The following YY1AP1 variants were observed in gnomAD, a reference collection of about 807,000 sequenced individuals.
The protein encoded by YY1AP1 is YY1 associated protein 1, also known as YY1-associated protein 1.
Under a neutral mutation model 39.9 loss-of-function variants are expected in YY1AP1, and 43 were observed. The ratio of observed to expected loss-of-function variants is 1.08; its 90% CI spans 0.84 to 1.39. The LOEUF (loss-of-function observed/expected upper bound fraction) is 1.39, where lower values mean the gene tolerates loss of function less well. Ranked by LOEUF, YY1AP1 falls within the 40% of genes most tolerant of loss-of-function variation. The probability of loss-of-function intolerance (pLI) is 0.00; values close to 1 mark genes in which losing one functional copy is unlikely to be tolerated. For synonymous variants in YY1AP1, 292 were observed against 331.3 expected (o/e 0.88, Z 1.29); for missense variants, 813 against 900.7 (o/e 0.90, Z 1.25).
intron 5 of YY1AP1, among the ~76,000 whole-genome samples, chr1:155,675,684 C>A (rs1571346186): frequency 6.6e-6 from 1 of 151,746 alleles, no homozygotes; most frequent in East Asian, 1.9e-4. Flanking sequence ...TTTTGAACTC[C>A]CCTGCTCAAG....
At position 155,670,421 on chromosome 1, in the gene YY1AP1, C is replaced by A. The variant is rs1363049006; in HGVS notation, c.627G>T (p.Leu209=). ...GATACATGAAAACCTTGCTTGTGGC[C>A]AGGATCCAAGCCACTTGCTTTGGCA... The part of the protein sequence containing the change: ...PCLPKQVAWI[L]ATSKVFMYPE... The change falls in exon 8 of 11, where the codon CTG becomes CTT. Residue 209 remains leucine, a synonymous_variant. Transcript: ENST00000355499. 1.2e-6 allele frequency: 2 copies of A among 1,614,120 alleles called. No individual in the cohort carries two copies. The highest frequency in any genetic ancestry group is 1.7e-6 in the Non-Finnish European group (2 of 1,180,048).
Position 155,676,602 on chromosome 1 carries a change from C to G in YY1AP1, c.270G>C (p.Gln90His). 2 of 1,614,184 alleles carry G rather than the reference C, an allele frequency of 1.2e-6. No homozygotes were observed. The highest frequency in any genetic ancestry group is 1.1e-5 in the South Asian group (1 of 91,084). ...KVKPQCKEVHQTLILDPAQRK... is the reference protein window; with the variant it reads ...KVKPQCKEVHHTLILDPAQRK... ...TTTGTGCTGGGTCCAGAATCAGGGT[C>G]TGATGAACTTCCTTACACTGGGGTT... Residue 90 changes from glutamine to histidine, a missense_variant, in exon 5 of 11, where the codon CAG becomes CAC. This residue lies in a region of YY1AP1 where 196 missense variants were observed against 189.7 expected (regional missense o/e 1.03). Transcript: ENST00000355499.
chr1:155,670,494 A>G lies in YY1AP1; in HGVS notation c.584-30T>C, dbSNP rs561128356. On this transcript the variant is annotated intron_variant, in intron 7 of 10. Transcript: ENST00000355499. ...AAGAAAATAAATCTCTGATAAATCA[A>G]CTTCTAGGAAAAAAGAGGGCTTCAA... 8 of 1,612,522 alleles carry G rather than the reference A, an allele frequency of 5.0e-6. No individual in the cohort carries two copies. The South Asian group carries it at 7.7e-5, about 16-fold the overall frequency.
In YY1AP1 at chr1:155,660,605, T is replaced by G; in HGVS notation, c.1305A>C (p.Gln435His). 1 of 1,614,136 alleles carries G rather than the reference T, an allele frequency of 6.2e-7. No individual in the cohort carries two copies. Among genetic ancestry groups the G allele is most frequent in the Non-Finnish European group, 8.5e-7 (1 of 1,180,016 alleles). Residue 435 changes from glutamine (Q) to histidine (H), a missense_variant, in exon 11 of 11, where the codon CAA becomes CAC. By Grantham distance (24) the Gln-to-His change is conservative. Transcript: ENST00000355499. ...PSFNPGKTPA[Q>H]STHSEAPPSK... ...TCGGAGGGGCTTCTGAATGAGTTGA[T>G]TGGGCTGGTGTTTTCCCAGGGTTGA...
rs1342572230 is a variant in YY1AP1, at chr1:155,688,655, G to T, written c.-152+4C>A. On this transcript the variant is annotated splice_donor_region_variant and intron_variant, in intron 1 of 10. Coordinates refer to ENST00000355499, the MANE Select transcript of YY1AP1 (RefSeq NM_139119.3). ...CCGGCTCCAGCGCAGGCCCTCACGC[G>T]TACCTTCAGCGGCGCGAGCCCAAGC... 4 of 1,533,594 alleles carry T rather than the reference G, an allele frequency of 2.6e-6. No homozygotes were observed. The highest frequency in any genetic ancestry group is 3.5e-6 in the Non-Finnish European group (4 of 1,146,346). The allele number at this position is 1,533,594 out of a possible 1,614,324, so 95.0% of individuals were successfully genotyped here.
At position 155,659,617 on chromosome 1, in the gene YY1AP1, A is replaced by C; in HGVS notation, c.*40T>G. 1 of 1,609,974 alleles carries C rather than the reference A, an allele frequency of 6.2e-7. No homozygotes were observed. The highest frequency in any genetic ancestry group is 2.2e-5 in the East Asian group (1 of 44,852). ...CCTATGCGCCACCAATCGGAGGCCG[A>C]AGTGAAGGCTCCCAGTCTCCAGACT... is the stretch of plus-strand genomic sequence containing the variant. On this transcript the variant is annotated 3_prime_UTR_variant, in exon 11 of 11. Coordinates refer to ENST00000355499, the MANE Select transcript of YY1AP1 (RefSeq NM_139119.3).
chr1:155,683,058 C>T (rs1651741840), intron 2 of YY1AP1, among the ~76,000 whole-genome samples: 2 of 151,580 alleles, frequency 1.3e-5, no homozygotes, highest in Admixed American at 6.6e-5. Flanking sequence ...TGCACTCCAG[C>T]CTGGGCGACA....
intron 9 of YY1AP1, among the ~76,000 whole-genome samples, chr1:155,667,363 C>A (rs948617297): frequency 2.0e-5 from 3 of 151,894 alleles, no homozygotes; most frequent in African/African-American, 7.3e-5. Context: ...AATCGGCTAG[C>A]CTTGGTGGCA....
At chr1:155,687,478 T>G (rs1164962544) in intron 2 of YY1AP1, among the ~76,000 whole-genome samples, 1 of 136,376 alleles carries the variant, frequency 7.3e-6, no homozygotes, top group Non-Finnish European at 1.5e-5. Flanking sequence ...CTTACACAAA[T>G]AAAGGCAAAC....
chr1:155,675,171 T>TC lies in YY1AP1; in HGVS notation c.325-76dup, dbSNP rs1355913948. 20 of 1,409,548 alleles carry TC rather than the reference T, an allele frequency of 1.4e-5. No individual in the cohort carries two copies. In the Admixed American group the frequency reaches 2.6e-4, roughly 18 times the overall value. The allele number at this position is 1,409,548 out of a possible 1,614,324, so 87.3% of individuals were successfully genotyped here. On this transcript the variant is annotated intron_variant, in intron 5 of 10. Coordinates refer to ENST00000355499, the MANE Select transcript of YY1AP1 (RefSeq NM_139119.3). ...TCAGGAGCCCAGAGATATTTTTTTT[T>TC]CCCCCTGGAGACAGGGTCTTGCTCT...
At chr1:155,687,341 T>TG (rs1177753178) in intron 2 of YY1AP1, among the ~76,000 whole-genome samples, 8 of 143,842 alleles carry the variant, frequency 5.6e-5, no homozygotes, top group Non-Finnish European at 1.2e-4. Context: ...ACACTACCAT[T>TG]GCCGCTCTTT....
chr1:155,668,706 A>G lies in YY1AP1; in HGVS notation c.800T>C (p.Leu267Pro). The G allele has an allele frequency of 1.2e-6, 2 of 1,614,220 alleles. No individual in the cohort carries two copies. The highest frequency in any genetic ancestry group is 2.2e-5 in the East Asian group (1 of 44,888). The part of the protein sequence containing the change: ...FLNPLISKYL[L>P]TCKTARQLTV... Reference sequence around the variant, plus strand: ...CAGTTGGCGGGCAGTCTTGCAGGTTAGAAGGTACTTGCTGATTAGAGGGTT... The same window carrying G: ...CAGTTGGCGGGCAGTCTTGCAGGTTGGAAGGTACTTGCTGATTAGAGGGTT... The change falls in exon 9 of 11, where the codon CTA becomes CCA. Residue 267 changes from leucine to proline, a missense_variant. This residue lies in a region of YY1AP1 where 586 missense variants were observed against 647.4 expected (regional missense o/e 0.91). Coordinates refer to ENST00000355499, the MANE Select transcript of YY1AP1 (RefSeq NM_139119.3).
At chr1:155,661,623 TTAAAC>T (rs1337032289) in intron 9 of YY1AP1, among the ~76,000 whole-genome samples, 200 bp from the exon 10 acceptor site, 3 of 152,018 alleles carry the variant, frequency 2.0e-5, no homozygotes, top group Non-Finnish European at 2.9e-5. Flanking sequence ...ACATTTCAAA[TTAAAC>T]TAATCTCTAT....
intron 4 of YY1AP1, chr1:155,679,048 A>C: frequency 9.4e-7 from 1 of 1,067,734 alleles, no homozygotes; most frequent in South Asian, 1.7e-5. Flanking sequence ...CATTTAGCAG[A>C]TATTAATGGC....
chr1:155,677,795 G>T (rs1034566062), intron 4 of YY1AP1, among the ~76,000 whole-genome samples: 1 of 152,128 alleles, frequency 6.6e-6, no homozygotes, highest in Non-Finnish European at 1.5e-5. Context: ...AAGAGAAGAA[G>T]CATAAAAAAG....
intron 6 of YY1AP1, among the ~76,000 whole-genome samples, chr1:155,673,156 T>C (rs1215896874): frequency 1.6e-4 from 24 of 151,822 alleles, no homozygotes; most frequent in Admixed American, 6.6e-5. Flanking sequence ...GCTGGGACTA[T>C]AGGCATACAC....
In YY1AP1 at chr1:155,688,714, TC is replaced by T. The variant is rs1244480986; in HGVS notation, c.-208del. On this transcript the variant is annotated 5_prime_UTR_variant, in exon 1 of 11. Transcript: ENST00000355499. ...CCTCCTCTTCTCTCCTCCCCCTCCC[TC>T]CCCGCCCGCACGGCCACCAACCGCC... 7.6e-7 allele frequency: 1 copy of T among 1,322,688 alleles called. No homozygotes were observed. Among genetic ancestry groups the T allele is most frequent in the East Asian group, 3.0e-5 (1 of 33,460 alleles). The allele number at this position is 1,322,688 out of a possible 1,614,324, so 81.9% of individuals were successfully genotyped here.
At chr1:155,673,127 T>G (rs1415171421) in intron 6 of YY1AP1, among the ~76,000 whole-genome samples, 1 of 152,104 alleles carries the variant, frequency 6.6e-6, no homozygotes, top group Non-Finnish European at 1.5e-5. Flanking sequence ...CAAGCCATCC[T>G]CCCACTGCCT....
intron 4 of YY1AP1, among the ~76,000 whole-genome samples, chr1:155,678,007 C>G (rs1650967044): frequency 6.6e-6 from 1 of 152,168 alleles, no homozygotes; most frequent in South Asian, 2.1e-4. Context: ...TTTGTATTTG[C>G]AATCGAAAGA....
Sources: allele counts gnomAD v4.1 joint callset (sites outside exome capture counted in the v4.1 genomes callset), GRCh38; gene constraint gnomAD v4.1.1; regional missense constraint gnomAD v4.1.1; transcripts MANE v1.5; gene names NCBI Gene and HGNC (gene_info 2026-07-23, HGNC 2026-07-21).